Variants in NBEA observed in about 807,000 individuals in gnomAD.
NBEA encodes neurobeachin, also known as lysosomal-trafficking regulator 2.
In NBEA, 44 loss-of-function variants were observed where a neutral mutation model predicts 343.4. The ratio of observed to expected loss-of-function variants is 0.13; its 90% CI spans 0.10 to 0.16. NBEA has a LOEUF of 0.16. NBEA is among the 10% of genes least tolerant of loss of function. The pLI is 1.00. For missense variants in NBEA, 2,555 were observed against 3,631.3 expected (o/e 0.70, Z 7.62); for synonymous variants, 1,175 against 1,238.7 (o/e 0.95, Z 1.08).
At chr13:35,636,051 G>A (rs1351865899) in intron 49 of NBEA, among the ~76,000 whole-genome samples, 1 of 152,154 alleles carries the variant, frequency 6.6e-6, no homozygotes, top group African/African-American at 2.4e-5. Flanking sequence ...TTACTCAAGG[G>A]AAGAAGGGTG....
At chr13:35,472,861 G>A (rs572634481) in intron 41 of NBEA, among the ~76,000 whole-genome samples, 13 of 152,260 alleles carry the variant, frequency 8.5e-5, no homozygotes, top group Admixed American at 7.2e-4. Flanking sequence ...ACTTTGAAAG[G>A]TCTTGAGAAA....
chr13:34,985,089 G>A (rs1039422542), intron 1 of NBEA, among the ~76,000 whole-genome samples: 2 of 151,022 alleles, frequency 1.3e-5, no homozygotes, highest in African/African-American at 4.8e-5. Flanking sequence ...AATAGGAGTG[G>A]TGAGAGAGGG....
At chr13:35,088,551 T>C (rs2064894638) in intron 10 of NBEA, among the ~76,000 whole-genome samples, 1 of 151,978 alleles carries the variant, frequency 6.6e-6, no homozygotes, top group Admixed American at 6.6e-5. Flanking sequence ...AATTTGGCTT[T>C]TCCAGTGTAT....
chr13:35,383,338 G>A (rs2042097153), intron 38 of NBEA, among the ~76,000 whole-genome samples: 1 of 152,128 alleles, frequency 6.6e-6, no homozygotes, highest in Admixed American at 6.5e-5. Flanking sequence ...ACCAAGATAT[G>A]CCTAATCAAT....
At chr13:35,519,707 AT>A (rs2152991584) in intron 41 of NBEA, among the ~76,000 whole-genome samples, 1 of 152,352 alleles carries the variant, frequency 6.6e-6, no homozygotes, top group East Asian at 1.9e-4. Flanking sequence ...TGATACATGT[AT>A]ACAATGTGTA....
At chr13:35,656,727 A>G (rs1377800566) in intron 55 of NBEA, among the ~76,000 whole-genome samples, 1 of 152,238 alleles carries the variant, frequency 6.6e-6, no homozygotes, top group Non-Finnish European at 1.5e-5. Flanking sequence ...TGTATAATAT[A>G]GAAAGGTTTC....
At chr13:35,024,456 G>A (rs570764960) in intron 1 of NBEA, among the ~76,000 whole-genome samples, 1 of 151,954 alleles carries the variant, frequency 6.6e-6, no homozygotes, top group Non-Finnish European at 1.5e-5. Context: ...TGGATCACCC[G>A]AAGTCAAGAG....
rs1278555573 is a variant in NBEA, at chr13:35,123,467, T to G, written c.2244-15T>G. The G allele has an allele frequency of 7.1e-7, 1 of 1,407,292 alleles. No individual in the cohort carries two copies. The highest frequency in any genetic ancestry group is 2.3e-5 in the Admixed American group (1 of 44,362). 87.2% of individuals were successfully genotyped at this position (1,407,292 alleles called of 1,614,324 possible). The stretch of plus-strand genomic sequence containing the variant: ...TATTAGTAAGTTTTTAAAAGATAAT[T>G]TATATATTTTGTAGGGTGATCTACA... On this transcript the variant is annotated splice_polypyrimidine_tract_variant and intron_variant, in intron 16 of 58. Transcript: ENST00000379939.
chr13:35,273,982 A>G (rs2152806329), intron 34 of NBEA, among the ~76,000 whole-genome samples: 1 of 152,360 alleles, frequency 6.6e-6, no homozygotes, highest in East Asian at 1.9e-4. Context: ...TCCAATCAAT[A>G]GAAAAAGAGG....
intron 34 of NBEA, among the ~76,000 whole-genome samples, chr13:35,271,775 A>ATC (rs1187860003): frequency 1.3e-5 from 2 of 152,212 alleles, no homozygotes; most frequent in African/African-American, 4.8e-5. Context: ...CATCAAATTA[A>ATC]TGAAGTAAAG....
chr13:35,632,365 G>A (rs538728190), intron 49 of NBEA, among the ~76,000 whole-genome samples: 1 of 152,062 alleles, frequency 6.6e-6, no homozygotes, highest in South Asian at 2.1e-4. Flanking sequence ...GAACTTGCTA[G>A]AACTTCAGCC....
intron 36 of NBEA, among the ~76,000 whole-genome samples, chr13:35,337,689 A>G (rs1436046238): frequency 2.0e-5 from 3 of 152,146 alleles, no homozygotes; most frequent in African/African-American, 2.4e-5. Flanking sequence ...TCACAAGTGC[A>G]CATGAAACAT....
At chr13:35,612,591 C>T (rs1449804700) in intron 48 of NBEA, among the ~76,000 whole-genome samples, 1 of 151,956 alleles carries the variant, frequency 6.6e-6, no homozygotes, top group African/African-American at 2.4e-5. Flanking sequence ...AGTTTGTATG[C>T]CCCCAGAATT....
chr13:35,571,973 A>G (rs1428156445), intron 45 of NBEA, among the ~76,000 whole-genome samples: 1 of 152,150 alleles, frequency 6.6e-6, no homozygotes, highest in Non-Finnish European at 1.5e-5. Flanking sequence ...TTTATCAGTA[A>G]GATTTTTTAG....
At chr13:35,007,739 C>T (rs560226103) in intron 1 of NBEA, among the ~76,000 whole-genome samples, 39 of 152,236 alleles carry the variant, frequency 2.6e-4, no homozygotes, top group Middle Eastern at 3.4e-3. Flanking sequence ...GCAATTTGCC[C>T]GCATTGGCCT....
chr13:35,199,683 G>T (rs771013486), intron 31 of NBEA, among the ~76,000 whole-genome samples: 1 of 152,048 alleles, frequency 6.6e-6, no homozygotes, highest in Non-Finnish European at 1.5e-5. Flanking sequence ...TGTGTTCTAC[G>T]TCGAGTGTAT....
chr13:35,237,858 C>A (rs969489162), intron 34 of NBEA, among the ~76,000 whole-genome samples: 8 of 151,958 alleles, frequency 5.3e-5, no homozygotes, highest in African/African-American at 1.9e-4. Flanking sequence ...TAATCCTTGG[C>A]AGTTTTTATT....
chr13:35,059,109 T>C (rs1374137639), intron 8 of NBEA, among the ~76,000 whole-genome samples: 1 of 151,938 alleles, frequency 6.6e-6, no homozygotes, highest in Non-Finnish European at 1.5e-5. Context: ...TCTGAAATAA[T>C]AGATCTTATA....
chr13:35,235,375 AT>A (rs532135060), intron 34 of NBEA, among the ~76,000 whole-genome samples: 2 of 152,144 alleles, frequency 1.3e-5, no homozygotes, highest in African/African-American at 4.8e-5. Context: ...AAAGCCTTTT[AT>A]TTTTTCTGTT....
Sources: allele counts gnomAD v4.1 joint callset (sites outside exome capture counted in the v4.1 genomes callset), GRCh38; gene constraint gnomAD v4.1.1; transcripts MANE v1.5; gene names NCBI Gene and HGNC (gene_info 2026-07-23, HGNC 2026-07-21).